IL15RA: variants seen among roughly 807,000 people sequenced by gnomAD.
IL15RA encodes the protein interleukin-15 receptor subunit alpha.
In IL15RA, 26 loss-of-function variants were observed where a neutral mutation model predicts 24.2. That is an observed-to-expected ratio of 1.07 (90% confidence interval 0.79 to 1.49). The LOEUF is 1.49. IL15RA is among the 40% of genes most tolerant of loss of function. The pLI is 0.00. For missense variants in IL15RA, 354 were observed against 356.4 expected (o/e 0.99, Z 0.05); for synonymous variants, 166 against 157.6 (o/e 1.05, Z -0.40).
rs781056105 is a variant in IL15RA at position 5,975,748 on chromosome 10, C to T, written c.88+1657G>A. Among the ~76,000 whole-genome samples, 23 of 152,054 alleles carry T rather than the reference C, an allele frequency of 1.5e-4. No individual in the cohort carries two copies. The highest frequency in any genetic ancestry group is 3.4e-4 in the Non-Finnish European group (23 of 68,022). On this transcript the variant is annotated intron_variant, in intron 1 of 6. Coordinates refer to ENST00000379977, the MANE Select transcript of IL15RA (RefSeq NM_002189.4). The surrounding 1 kb of genome is among the most constrained non-coding windows in gnomAD (Gnocchi z 4.8). ...GTCTCTATTAAAAACACAAAAGTTA[C>T]TGGGCGTGGTGGCGATCGCCTGTAA...
chr10:5,977,593 C>A, upstream of IL15RA: 3 of 1,256,522 alleles, frequency 2.4e-6, no homozygotes, highest in South Asian at 9.3e-5. Context: ...CCCCGCCAGT[C>A]GCATTCGCTT....
Position 5,953,189 on chromosome 10 carries a change from G to A in IL15RA, c.710C>T (p.Ala237Val), listed in dbSNP as rs926793807. 3.1e-6 allele frequency: 5 copies of A among 1,613,924 alleles called. No homozygotes were observed. In the Admixed American group the frequency reaches 6.7e-5, roughly 22 times the overall value. ...YLKSRQTPPL[A>V]SVEMEAMEAL... The stretch of plus-strand genomic sequence containing the variant: ...CTCCATGGCTTCCATTTCAACGCTG[G>A]CCAGCGGGGGAGTTTGCCTGCAAAG... Residue 237 changes from alanine (A) to valine (V), a missense_variant, in exon 7 of 7, where the codon GCC becomes GTC. Physicochemically the swap from Ala to Val is moderately conservative, Grantham distance 64. Transcript: ENST00000379977. This position sits in a 1 kb window ranked among gnomAD's most constrained non-coding sequence, Gnocchi z 5.3.
rs41290325 is a variant in IL15RA at position 5,953,149 on chromosome 10, A to G, written c.750T>C (p.Thr250=). Residue 250 remains threonine (T), a synonymous_variant, in exon 7 of 7, where the codon ACT becomes ACC. Coordinates refer to ENST00000379977, the MANE Select transcript of IL15RA (RefSeq NM_002189.4). This position sits in a 1 kb window ranked among gnomAD's most constrained non-coding sequence, Gnocchi z 5.3. ...CTTCATCTCTGCTGCTGGTCCCCCA[A>G]GTCACCGGCAGAGCCTCCATGGCTT... ...EMEAMEALPV[T]WGTSSRDEDL... is the part of the protein sequence containing the mutation. 5.2e-3 allele frequency: 8,455 copies of G among 1,614,200 alleles called. 31 individuals are homozygous for G. Among genetic ancestry groups the G allele is most frequent in the Non-Finnish European group, 6.1e-3 (7,156 of 1,180,000 alleles).
Position 5,953,952 on chromosome 10 carries a change from G to A in IL15RA, c.693-746C>T, listed in dbSNP as rs1363837963. ...GAAATGTCCCTCCGGAGGAGCAGCA[G>A]CTCTTTAGGCCATTTTAAGGTAAGC... On this transcript the variant is annotated intron_variant, in intron 6 of 6. Transcript: ENST00000379977. The surrounding 1 kb of genome is among the most constrained non-coding windows in gnomAD (Gnocchi z 5.3). The A allele has an allele frequency of 1.3e-5, 2 of 153,202 alleles. No individual in the cohort carries two copies. The highest frequency in any genetic ancestry group is 2.9e-5 in the Non-Finnish European group (2 of 68,776). 9.5% of individuals were successfully genotyped at this position (153,202 alleles called of 1,614,324 possible). A position where few individuals can be genotyped will look rare whatever the true frequency, so the allele number is the denominator to read the frequency against.
chr10:5,971,085 T>C lies in IL15RA; in HGVS notation c.89-4746A>G, dbSNP rs1305413275. Among the ~76,000 whole-genome samples, 3 of 152,238 alleles carry C rather than the reference T, an allele frequency of 2.0e-5. No individual in the cohort carries two copies. Among genetic ancestry groups the C allele is most frequent in the African/African-American group, 7.2e-5 (3 of 41,458 alleles). On this transcript the variant is annotated intron_variant, in intron 1 of 6. Coordinates refer to ENST00000379977, the MANE Select transcript of IL15RA (RefSeq NM_002189.4). This position sits in a 1 kb window ranked among gnomAD's most constrained non-coding sequence, Gnocchi z 5.5. Reference sequence around the variant, plus strand: ...CTTTAGATACTTGAATTATACTTTCTATATATTCTCTCATAACATTGTTCC... The same window carrying C: ...CTTTAGATACTTGAATTATACTTTCCATATATTCTCTCATAACATTGTTCC...
In IL15RA at chr10:5,966,633, C is replaced by G. The variant is rs1008154737; in HGVS notation, c.89-294G>C. Among the ~76,000 whole-genome samples the G allele has an allele frequency of 6.6e-6, 1 of 152,000 alleles. No individual in the cohort carries two copies. Among genetic ancestry groups the G allele is most frequent in the Non-Finnish European group, 1.5e-5 (1 of 67,984 alleles). On this transcript the variant is annotated intron_variant, in intron 1 of 6. Transcript: ENST00000379977. The surrounding 1 kb of genome is among the most constrained non-coding windows in gnomAD (Gnocchi z 6.4). Reference sequence around the variant, plus strand: ...TCCCACCCCTCTCCAAGCCCTCAGTCTCTCTTAAAGTCTTCACCCCTCTCC... The same window carrying G: ...TCCCACCCCTCTCCAAGCCCTCAGTGTCTCTTAAAGTCTTCACCCCTCTCC...
chr10:5,949,131 G>A (rs995965694), downstream of IL15RA: 2 of 443,362 alleles, frequency 4.5e-6, no homozygotes, highest in Non-Finnish European at 9.4e-6. The surrounding 1 kb of genome is among the most constrained non-coding windows in gnomAD (Gnocchi z 4.4). Context: ...CTGGAGACAG[G>A]GTCATTGGGA....
Position 5,968,597 on chromosome 10 carries a change from C to A in IL15RA, c.89-2258G>T, listed in dbSNP as rs1300722327. 3.4e-6 allele frequency: 2 copies of A among 588,296 alleles called. No individual in the cohort carries two copies. The highest frequency in any genetic ancestry group is 5.6e-5 in the East Asian group (2 of 35,868). 36.4% of individuals were successfully genotyped at this position (588,296 alleles called of 1,614,324 possible). ...ATGCTGCTGTTGCTATGGTTACCTG[C>A]AGAGCCCCACTGGCTTTGAGGCCTC... On this transcript the variant is annotated intron_variant, in intron 1 of 6. Coordinates refer to ENST00000379977, the MANE Select transcript of IL15RA (RefSeq NM_002189.4). The surrounding 1 kb of genome is among the most constrained non-coding windows in gnomAD (Gnocchi z 5.4).
rs966637535 is a variant in IL15RA, at chr10:5,960,562, C to T, written c.388G>A (p.Ala130Thr). ...ESLSPSGKEP[A>T]ASSPSSNNTA... ...TTGTTTGAGCTGGGAGATGAAGCTGCGGGCTCTGTAGGAGAGTCCAAGGCA... is the reference window on the plus strand; with the variant it reads ...TTGTTTGAGCTGGGAGATGAAGCTGTGGGCTCTGTAGGAGAGTCCAAGGCA... The change falls in exon 4 of 7, where the codon GCA becomes ACA. Residue 130 changes from alanine to threonine, a missense_variant. Coordinates refer to ENST00000379977, the MANE Select transcript of IL15RA (RefSeq NM_002189.4). This position sits in a 1 kb window ranked among gnomAD's most constrained non-coding sequence, Gnocchi z 5.1. The T allele has an allele frequency of 9.9e-6, 16 of 1,613,696 alleles. No individual in the cohort carries two copies. Among genetic ancestry groups the T allele is most frequent in the African/African-American group, 1.3e-5 (1 of 74,882 alleles).
At chr10:5,957,298 T>C (rs1834686793) in intron 5 of IL15RA, among the ~76,000 whole-genome samples, 1 of 151,822 alleles carries the variant, frequency 6.6e-6, no homozygotes, top group Admixed American at 6.6e-5. Context: ...CTTTTTGAGA[T>C]GAAGTGTCAT....
chr10:5,953,199 G>A lies in IL15RA; in HGVS notation c.700C>T (p.Pro234Ser), dbSNP rs774656798. The A allele has an allele frequency of 3.2e-5, 52 of 1,613,448 alleles. No individual in the cohort carries two copies. The South Asian group carries it at 5.4e-4, about 17-fold the overall frequency. ...TCCATTTCAACGCTGGCCAGCGGGG[G>A]AGTTTGCCTGCAAAGCAGGTGGTTC... ...LACYLKSRQT[P>S]PLASVEMEAM... The change falls in exon 7 of 7, where the codon CCC (proline) becomes TCC (serine). Residue 234 changes from proline (P) to serine (S), a missense_variant. Pro to Ser is a moderately conservative substitution (Grantham distance 74, BLOSUM62 -1). Coordinates refer to ENST00000379977, the MANE Select transcript of IL15RA (RefSeq NM_002189.4). The surrounding 1 kb of genome is among the most constrained non-coding windows in gnomAD (Gnocchi z 5.3).
At chr10:5,951,063 AC>A (rs1251668284), downstream of IL15RA, among the ~76,000 whole-genome samples, 1 of 139,208 alleles carries the variant, frequency 7.2e-6, no homozygotes, top group Non-Finnish European at 1.5e-5. Context: ...AATGGCATGG[AC>A]CCAGGAGGCG....
At chr10:5,957,474 C>T (rs1417365785) in intron 5 of IL15RA, among the ~76,000 whole-genome samples, 2 of 151,542 alleles carry the variant, frequency 1.3e-5, no homozygotes, top group African/African-American at 4.9e-5. Flanking sequence ...CAGGGTTTCA[C>T]TATGTTAGGC....
chr10:5,969,626 A>G (rs1051547223), intron 1 of IL15RA, among the ~76,000 whole-genome samples: 4 of 152,194 alleles, frequency 2.6e-5, no homozygotes, highest in Non-Finnish European at 5.9e-5. Context: ...ATCCTCCCAA[A>G]GTGCTGGGAT....
Position 5,959,908 on chromosome 10 carries a change from GTAACCAGACTCA to G in IL15RA, c.584-134_584-123del. 3.5e-6 allele frequency: 3 copies of G among 845,368 alleles called. No homozygotes were observed. The highest frequency in any genetic ancestry group is 2.2e-4 in the Middle Eastern group (1 of 4,500). The allele number at this position is 845,368 out of a possible 1,614,324, so 52.4% of individuals were successfully genotyped here. ...GCACCCTGGGAGACTCGTGGCTGGC[GTAACCAGACTCA>G]TTTTAGCAAAGAACAAGCAGGGTAG... On this transcript the variant is annotated intron_variant, in intron 4 of 6. Coordinates refer to ENST00000379977, the MANE Select transcript of IL15RA (RefSeq NM_002189.4). This position sits in a 1 kb window ranked among gnomAD's most constrained non-coding sequence, Gnocchi z 4.1.
At position 5,963,852 on chromosome 10, in the gene IL15RA, G is replaced by C. The variant is rs1422563419; in HGVS notation, c.284-11C>G. 1 of 1,539,186 alleles carries C rather than the reference G, an allele frequency of 6.5e-7. No individual in the cohort carries two copies. Among genetic ancestry groups the C allele is most frequent in the African/African-American group, 1.4e-5 (1 of 70,886 alleles). On this transcript the variant is annotated splice_polypyrimidine_tract_variant and intron_variant, in intron 2 of 6. Coordinates refer to ENST00000379977, the MANE Select transcript of IL15RA (RefSeq NM_002189.4). The surrounding 1 kb of genome is among the most constrained non-coding windows in gnomAD (Gnocchi z 5.3). Reference sequence around the variant, plus strand: ...CCAGGGCAGGGTCTCCTAGAGAGAGGATAACCACATGGCACTTATGATCCT... The same window carrying C: ...CCAGGGCAGGGTCTCCTAGAGAGAGCATAACCACATGGCACTTATGATCCT...
chr10:5,968,950 A>G lies in IL15RA; in HGVS notation c.89-2611T>C. The G allele has an allele frequency of 1.3e-6, 2 of 1,534,826 alleles. No homozygotes were observed. Among genetic ancestry groups the G allele is most frequent in the Non-Finnish European group, 1.7e-6 (2 of 1,146,216 alleles). Reference sequence around the variant, plus strand: ...GCATCTGTAACAGGTTTTGTACAGGAAGTGTTCCCTGCCCATTTCCAGCAG... The same window carrying G: ...GCATCTGTAACAGGTTTTGTACAGGGAGTGTTCCCTGCCCATTTCCAGCAG... On this transcript the variant is annotated intron_variant, in intron 1 of 6. Transcript: ENST00000379977. This position sits in a 1 kb window ranked among gnomAD's most constrained non-coding sequence, Gnocchi z 5.4.
chr10:5,967,744 A>G lies in IL15RA; in HGVS notation c.89-1405T>C, dbSNP rs1018966797. Among the ~76,000 whole-genome samples the G allele has an allele frequency of 1.3e-5, 2 of 152,182 alleles. No homozygotes were observed. The highest frequency in any genetic ancestry group is 2.9e-5 in the Non-Finnish European group (2 of 68,030). On this transcript the variant is annotated intron_variant, in intron 1 of 6. Transcript: ENST00000379977. This position sits in a 1 kb window ranked among gnomAD's most constrained non-coding sequence, Gnocchi z 4.4. ...TTGGTACATGCCCCTGGAAAAGTGC[A>G]AGTGTGGCCGGAAGTAAATTCGATA...
rs1836877504 is a variant in IL15RA at position 5,967,981 on chromosome 10, C to T, written c.89-1642G>A. On this transcript the variant is annotated intron_variant, in intron 1 of 6. Transcript: ENST00000379977. This position sits in a 1 kb window ranked among gnomAD's most constrained non-coding sequence, Gnocchi z 4.4. ...GGCTGAGGCAGGAGAATCACAGGAACCTGAGAGGCGGAGGTTGCAGTGAGC... is the reference window on the plus strand; with the variant it reads ...GGCTGAGGCAGGAGAATCACAGGAATCTGAGAGGCGGAGGTTGCAGTGAGC... Among the ~76,000 whole-genome samples the T allele has an allele frequency of 6.6e-6, 1 of 152,048 alleles. No individual in the cohort carries two copies. Among genetic ancestry groups the T allele is most frequent in the African/African-American group, 2.4e-5 (1 of 41,388 alleles).
Sources: allele counts gnomAD v4.1 joint callset (sites outside exome capture counted in the v4.1 genomes callset), GRCh38; gene constraint gnomAD v4.1.1; non-coding constraint Gnocchi (gnomAD v3.1); transcripts MANE v1.5; gene names NCBI Gene and HGNC (gene_info 2026-07-23, HGNC 2026-07-21).